Variants in SEMA3A observed in about 807,000 individuals in gnomAD.
The protein encoded by SEMA3A is semaphorin-3A.
A neutral mutation model predicts 97.9 loss-of-function variants in SEMA3A; 29 were observed. The observed-to-expected ratio is 0.30, with a 90% CI of 0.22 to 0.40. SEMA3A has a LOEUF of 0.40. SEMA3A is among the 10% of genes least tolerant of loss of function. The pLI, the probability that SEMA3A is intolerant of heterozygous loss-of-function variation, is 1.00. For missense variants in SEMA3A, 763 were observed against 951.3 expected (o/e 0.80, Z 2.60); for synonymous variants, 321 against 323.7 (o/e 0.99, Z 0.09).
chr7:84,372,086 C>T (rs1167361020), intron 1 of SEMA3A: 1 of 152,070 alleles, frequency 6.6e-6, no homozygotes, highest in Non-Finnish European at 1.5e-5. Flanking sequence ...TTTGTTCTCT[C>T]ATCACTAGGC....
intron 2 of SEMA3A, among the ~76,000 whole-genome samples, chr7:84,358,278 T>A (rs1044399644): frequency 3.3e-5 from 5 of 152,184 alleles, no homozygotes; most frequent in African/African-American, 1.2e-4. Context: ...AGGTCTAACA[T>A]TTAAGTCTTT....
intron 2 of SEMA3A, among the ~76,000 whole-genome samples, chr7:84,328,425 G>A (rs557451732): frequency 6.6e-6 from 1 of 151,982 alleles, no homozygotes. Context: ...GAAAGAAAAT[G>A]AAAGAGCAGG....
At chr7:84,178,142 T>C (rs1797629392) in intron 1 of SEMA3A, among the ~76,000 whole-genome samples, 1 of 152,192 alleles carries the variant, frequency 6.6e-6, no homozygotes, top group African/African-American at 2.4e-5. Flanking sequence ...TGTATTTACC[T>C]AATTGCCCAC....
intron 3 of SEMA3A, among the ~76,000 whole-genome samples, chr7:84,281,156 AT>A (rs1800430440): frequency 6.6e-6 from 1 of 152,026 alleles, no homozygotes; most frequent in South Asian, 2.1e-4. Context: ...AGCCATTAGT[AT>A]TTTTTTCTAG....
chr7:84,057,361 A>G (rs1793025617), intron 5 of SEMA3A, among the ~76,000 whole-genome samples: 1 of 152,056 alleles, frequency 6.6e-6, no homozygotes, highest in Admixed American at 6.5e-5. Context: ...TCCTTGTGCT[A>G]TGTTCACATC....
Position 84,331,909 on chromosome 7 carries a change from A to G in SEMA3A, c.-168-24617T>C, listed in dbSNP as rs1286192523. Among the ~76,000 whole-genome samples the G allele has an allele frequency of 3.9e-5, 6 of 152,106 alleles. No individual in the cohort carries two copies. In the East Asian group the frequency reaches 1.2e-3, roughly 29 times the overall value. The stretch of plus-strand genomic sequence containing the variant: ...GAGAGCCTGTTCAACCCCACTGGCA[A>G]TGAGGTATTTCCCTTTTATTAATGA... On this transcript the variant is annotated intron_variant, in intron 2 of 3. Coordinates refer to the SEMA3A transcript ENST00000424555.
intron 1 of SEMA3A, among the ~76,000 whole-genome samples, chr7:84,402,771 C>T (rs1045527174): frequency 2.0e-5 from 3 of 152,108 alleles, no homozygotes; most frequent in Non-Finnish European, 4.4e-5. Flanking sequence ...CAGTAACATA[C>T]AACAAAGTAG....
chr7:84,299,334 A>C (rs1800948264), intron 3 of SEMA3A, among the ~76,000 whole-genome samples: 1 of 124,602 alleles, frequency 8.0e-6, no homozygotes, highest in South Asian at 2.7e-4. Flanking sequence ...CTCCATATAT[A>C]TGTATCTCTC....
intron 1 of SEMA3A, among the ~76,000 whole-genome samples, chr7:84,381,260 T>A (rs931897608): frequency 6.6e-6 from 1 of 152,160 alleles, no homozygotes; most frequent in African/African-American, 2.4e-5. Context: ...GACCTTGCTT[T>A]TAATTGTTTT....
intron 1 of SEMA3A, among the ~76,000 whole-genome samples, chr7:84,469,062 T>C (rs2715036): frequency 0.24 from 36,955 of 151,994 alleles, 5,750 homozygotes; most frequent in East Asian, 0.47. Context: ...ATTTATAAAA[T>C]AGAATAGGCT....
chr7:84,076,588 G>A lies in SEMA3A; in HGVS notation c.454-16030C>T, dbSNP rs116183594. On this transcript the variant is annotated intron_variant, in intron 4 of 16. Transcript: ENST00000265362. ...GTAGTTCAAGCATATATTAGATCCC[G>A]AATTCACCTGAACTGAATTTACCAT... is the stretch of plus-strand genomic sequence containing the variant. 6.2e-3 allele frequency among the ~76,000 whole-genome samples: 939 copies of A among 152,130 alleles called. 11 individuals are homozygous for A. The highest frequency in any genetic ancestry group is 0.021 in the African/African-American group (883 of 41,548).
At chr7:84,354,047 T>G (rs539006254) in intron 2 of SEMA3A, among the ~76,000 whole-genome samples, 10 of 151,710 alleles carry the variant, frequency 6.6e-5, no homozygotes, top group Admixed American at 2.0e-4. Context: ...AAGAAAGAAA[T>G]AAAAATGTCA....
chr7:84,169,714 G>A (rs1275495626), intron 1 of SEMA3A, among the ~76,000 whole-genome samples: 3 of 151,380 alleles, frequency 2.0e-5, no homozygotes, highest in African/African-American at 7.3e-5. Context: ...ATCACAAAAA[G>A]AATGATGCCT....
chr7:84,252,095 A>G (rs577466081), intron 3 of SEMA3A, among the ~76,000 whole-genome samples: 1 of 152,216 alleles, frequency 6.6e-6, no homozygotes, highest in Non-Finnish European at 1.5e-5. Flanking sequence ...CCAGCAATGG[A>G]CTCTTCTGAG....
intron 2 of SEMA3A, among the ~76,000 whole-genome samples, chr7:84,339,023 C>T (rs1464494026): frequency 6.6e-6 from 1 of 152,056 alleles, no homozygotes; most frequent in Non-Finnish European, 1.5e-5. Flanking sequence ...TGGTAGGTTC[C>T]ATTCTCCAAT....
At chr7:84,312,226 T>C (rs945856759) in intron 2 of SEMA3A, among the ~76,000 whole-genome samples, 2 of 151,904 alleles carry the variant, frequency 1.3e-5, no homozygotes, top group South Asian at 2.1e-4. Flanking sequence ...ATAAAGAATA[T>C]ACAAATAGAA....
At chr7:84,076,184 T>A (rs61482260) in intron 4 of SEMA3A, among the ~76,000 whole-genome samples, 1 of 152,142 alleles carries the variant, frequency 6.6e-6, no homozygotes, top group Non-Finnish European at 1.5e-5. Flanking sequence ...AGATAGCATA[T>A]GAATAATTCA....
chr7:84,190,268 G>A (rs1480147005), intron 1 of SEMA3A, among the ~76,000 whole-genome samples: 2 of 151,644 alleles, frequency 1.3e-5, no homozygotes, highest in African/African-American at 2.4e-5. Flanking sequence ...CAAGATGTGT[G>A]ACTAAGTGTT....
chr7:83,973,772 C>T (rs1397662331), intron 15 of SEMA3A, among the ~76,000 whole-genome samples: 2 of 151,988 alleles, frequency 1.3e-5, no homozygotes, highest in East Asian at 3.9e-4. Flanking sequence ...GAAGGTAATG[C>T]ATGCATGCAA....
Sources: gnomAD v4.1 joint callset for allele counts (sites outside exome capture counted in the v4.1 genomes callset) on GRCh38, gnomAD v4.1.1 for gene constraint, MANE v1.5 for transcripts, NCBI Gene and HGNC (gene_info 2026-07-23, HGNC 2026-07-21) for gene names.